QTMAN: variants seen among roughly 807,000 people sequenced by gnomAD.
The protein encoded by QTMAN is tRNA-queuosine alpha-mannosyltransferase.
At chr2:143,973,492 T>C in the QTMAN span, among the ~76,000 whole-genome samples, 1 of 152,110 alleles carries the variant, frequency 6.6e-6, no homozygotes, top group African/African-American at 2.4e-5. Flanking sequence ...GTTTTCTTTT[T>C]AGAAAAATGA....
chr2:143,959,287 A>C, the QTMAN span, among the ~76,000 whole-genome samples: 1 of 152,066 alleles, frequency 6.6e-6, no homozygotes, highest in African/African-American at 2.4e-5. Flanking sequence ...CATCAGTCTG[A>C]CATTTTTTAT....
At chr2:144,123,033 A>T in the QTMAN span, among the ~76,000 whole-genome samples, 1 of 152,084 alleles carries the variant, frequency 6.6e-6, no homozygotes, top group African/African-American at 2.4e-5. Context: ...TGACCTGCAT[A>T]ATAAATGATT....
chr2:143,973,131 CT>C, the QTMAN span, among the ~76,000 whole-genome samples: 86 of 150,704 alleles, frequency 5.7e-4, no homozygotes, highest in African/African-American at 2.0e-3. Context: ...GTTTTTTTTT[CT>C]TTTTTTGTAG....
the QTMAN span, among the ~76,000 whole-genome samples, chr2:144,004,923 T>C: frequency 6.6e-6 from 1 of 152,076 alleles, no homozygotes; most frequent in African/African-American, 2.4e-5. Context: ...TTACCAATGC[T>C]CGGCGGCTCA....
the QTMAN span, among the ~76,000 whole-genome samples, chr2:144,193,671 C>T: frequency 6.6e-6 from 1 of 151,844 alleles, no homozygotes; most frequent in Non-Finnish European, 1.5e-5. Context: ...CAGGTGCACA[C>T]CACAACACCT....
chr2:144,133,181 TA>T, the QTMAN span, among the ~76,000 whole-genome samples: 2,720 of 47,022 alleles, frequency 0.058, 275 homozygotes, highest in African/African-American at 0.23. Context: ...TAAATATATA[TA>T]ATATAAATTT....
chr2:144,282,070 A>G, the QTMAN span, among the ~76,000 whole-genome samples: 72 of 152,182 alleles, frequency 4.7e-4, no homozygotes, highest in Non-Finnish European at 9.1e-4. Flanking sequence ...AGGTCTAGAC[A>G]GGGCTAGCTT....
chr2:144,174,675 A>C, the QTMAN span, among the ~76,000 whole-genome samples: 1 of 152,090 alleles, frequency 6.6e-6, no homozygotes, highest in Non-Finnish European at 1.5e-5. Flanking sequence ...TGCTATTCTC[A>C]TGACAGTGAA....
the QTMAN span, among the ~76,000 whole-genome samples, chr2:144,055,368 C>A: frequency 1.3e-5 from 2 of 150,360 alleles, no homozygotes; most frequent in Admixed American, 1.3e-4. Context: ...CACACACACA[C>A]CCCTCTGAGA....
chr2:144,030,537 C>A, the QTMAN span, among the ~76,000 whole-genome samples: 1 of 152,014 alleles, frequency 6.6e-6, no homozygotes, highest in Non-Finnish European at 1.5e-5. Flanking sequence ...TGTTTGTGTT[C>A]CTGCCTAGCT....
the QTMAN span, among the ~76,000 whole-genome samples, chr2:144,170,824 C>T: frequency 2.0e-5 from 3 of 152,050 alleles, no homozygotes; most frequent in Non-Finnish European, 4.4e-5. Flanking sequence ...TACCAAATTA[C>T]GTCCTAGAAA....
At chr2:143,941,095 A>T in the QTMAN span, 2 of 152,150 alleles carry the variant, frequency 1.3e-5, no homozygotes, top group Non-Finnish European at 2.9e-5. Flanking sequence ...CTACTGCTCA[A>T]CCACAGCCTA....
the QTMAN span, among the ~76,000 whole-genome samples, chr2:144,257,169 T>C: frequency 6.7e-6 from 1 of 150,136 alleles, no homozygotes; most frequent in Non-Finnish European, 1.5e-5. Context: ...AACCACAAAC[T>C]ATTTTTAAAA....
the QTMAN span, among the ~76,000 whole-genome samples, chr2:144,247,580 A>ATAGCAATGTGTATATATGTAATT: frequency 6.6e-6 from 1 of 152,358 alleles, no homozygotes; most frequent in African/African-American, 2.4e-5. Flanking sequence ...AACTCAAAAG[A>ATAGCAATGTGTATATATGTAATT]TAGCAATGTG....
At chr2:144,163,121 A>G in the QTMAN span, among the ~76,000 whole-genome samples, 1 of 152,170 alleles carries the variant, frequency 6.6e-6, no homozygotes, top group East Asian at 1.9e-4. Context: ...TAAATTTAAA[A>G]CTTCCTAAAG....
the QTMAN span, among the ~76,000 whole-genome samples, chr2:144,133,197 AT>A: frequency 1.3e-5 from 1 of 78,450 alleles, no homozygotes; most frequent in Admixed American, 2.1e-4. Flanking sequence ...AAATTTATAT[AT>A]ATATATTTAT....
At chr2:144,231,159 T>C in the QTMAN span, among the ~76,000 whole-genome samples, 1 of 152,188 alleles carries the variant, frequency 6.6e-6, no homozygotes, top group Non-Finnish European at 1.5e-5. Context: ...TATTGAATTT[T>C]GACACTAAAG....
the QTMAN span, among the ~76,000 whole-genome samples, chr2:144,263,458 G>A: frequency 1.3e-3 from 191 of 152,178 alleles, 1 homozygote; most frequent in Non-Finnish European, 2.3e-3. Context: ...GTGCTCTATG[G>A]CAAATTACAG....
chr2:143,961,277 T>A, the QTMAN span, among the ~76,000 whole-genome samples: 2 of 152,270 alleles, frequency 1.3e-5, no homozygotes, highest in South Asian at 4.1e-4. Flanking sequence ...GAAACAGGAA[T>A]ATTAAAACAA....
Sources: allele counts gnomAD v4.1 joint callset (sites outside exome capture counted in the v4.1 genomes callset), GRCh38; gene constraint gnomAD v4.1.1; transcripts MANE v1.5; gene names NCBI Gene and HGNC (gene_info 2026-07-23, HGNC 2026-07-21).